The following IGSF11 variants were observed in gnomAD, a reference collection of about 807,000 sequenced individuals.
IGSF11 encodes CXADR like 1.
Under a neutral mutation model 41.0 loss-of-function variants are expected in IGSF11, and 22 were observed. The ratio of observed to expected loss-of-function variants is 0.54; its 90% confidence interval spans 0.38 to 0.77. The LOEUF (loss-of-function observed/expected upper bound fraction) is 0.77, where lower values mean the gene tolerates loss of function less well. Ranked by LOEUF, IGSF11 falls within the 30% of genes least tolerant of loss-of-function variation. IGSF11 has a pLI of 0.00. For synonymous variants in IGSF11, 219 were observed against 201.3 expected (o/e 1.09, Z -0.74); for missense variants, 444 against 530.8 (o/e 0.84, Z 1.61).
At chr3:118,985,970 C>T (rs1027632131) in intron 1 of IGSF11, among the ~76,000 whole-genome samples, 4 of 152,144 alleles carry the variant, frequency 2.6e-5, no homozygotes, top group Admixed American at 6.5e-5. Context: ...TTTCTCAGCA[C>T]GACAAAAAGG....
At chr3:118,946,446 T>TAAAA (rs151177743) in intron 1 of IGSF11, among the ~76,000 whole-genome samples, 8 of 143,344 alleles carry the variant, frequency 5.6e-5, no homozygotes, top group African/African-American at 2.0e-4. Flanking sequence ...CTATTTTACT[T>TAAAA]AAAAAAAAAA....
At chr3:119,010,051 T>C (rs1019628393) in intron 1 of IGSF11, among the ~76,000 whole-genome samples, 1 of 152,116 alleles carries the variant, frequency 6.6e-6, no homozygotes, top group Non-Finnish European at 1.5e-5. Flanking sequence ...GGAAAAGAGA[T>C]GGAAAGACAG....
intron 1 of IGSF11, among the ~76,000 whole-genome samples, chr3:119,047,195 C>G (rs1102585): frequency 0.95 from 142,591 of 150,288 alleles, 67,756 homozygotes; most frequent in East Asian, 1. Context: ...AAAAGACACA[C>G]ACTGGCAAAT....
chr3:118,988,989 C>T (rs546266046), intron 1 of IGSF11, among the ~76,000 whole-genome samples: 2 of 152,258 alleles, frequency 1.3e-5, no homozygotes, highest in East Asian at 3.9e-4. Flanking sequence ...AAAGAAAACC[C>T]TACCCAAAGA....
intron 1 of IGSF11, among the ~76,000 whole-genome samples, chr3:119,059,030 C>T (rs537929989): frequency 0.051 from 7,565 of 149,714 alleles, 675 homozygotes; most frequent in African/African-American, 0.18. Context: ...TGCTAGATGA[C>T]GAGTTAGTGG....
intron 1 of IGSF11, among the ~76,000 whole-genome samples, chr3:119,114,097 A>G (rs1559876220): frequency 6.6e-6 from 1 of 152,234 alleles, no homozygotes; most frequent in South Asian, 2.1e-4. Flanking sequence ...CCCATGGCCC[A>G]TGAAACCTAA....
chr3:119,020,758 T>A (rs1939207441), intron 1 of IGSF11, among the ~76,000 whole-genome samples: 1 of 152,240 alleles, frequency 6.6e-6, no homozygotes, highest in South Asian at 2.1e-4. Flanking sequence ...TTATTAACTA[T>A]CTGGCTATAT....
chr3:119,106,263 C>T (rs1442937387), upstream of IGSF11, among the ~76,000 whole-genome samples: 1 of 152,172 alleles, frequency 6.6e-6, no homozygotes, highest in Non-Finnish European at 1.5e-5. Flanking sequence ...TTGTTATTGA[C>T]TATAGTCACC....
chr3:119,019,688 A>C (rs774026727), intron 1 of IGSF11, among the ~76,000 whole-genome samples: 4 of 152,086 alleles, frequency 2.6e-5, no homozygotes, highest in Non-Finnish European at 4.4e-5. Flanking sequence ...ATATCTTGAC[A>C]GACTAGGCCA....
chr3:118,982,564 GT>G (rs1934843211), intron 1 of IGSF11, among the ~76,000 whole-genome samples: 1 of 152,052 alleles, frequency 6.6e-6, no homozygotes, highest in Admixed American at 6.5e-5. Context: ...AGGACAAAGG[GT>G]TTTATCACCA....
At chr3:119,109,816 C>A (rs745992821), upstream of IGSF11, among the ~76,000 whole-genome samples, 1 of 152,172 alleles carries the variant, frequency 6.6e-6, no homozygotes, top group Non-Finnish European at 1.5e-5. Context: ...TTTCAAAGAA[C>A]ATCTTTATTT....
chr3:119,083,126 C>CTTTTTTTTTTTTT (rs79620142), intron 1 of IGSF11, among the ~76,000 whole-genome samples: 7 of 129,118 alleles, frequency 5.4e-5, no homozygotes, highest in Non-Finnish European at 9.5e-5. Flanking sequence ...TTTCTTTTTT[C>CTTTTTTTTTTTTT]TTTTTTTTTT....
At chr3:119,032,120 G>T (rs1162287082) in intron 1 of IGSF11, among the ~76,000 whole-genome samples, 2 of 152,028 alleles carry the variant, frequency 1.3e-5, no homozygotes, top group Non-Finnish European at 2.9e-5. Flanking sequence ...TATTAACATC[G>T]ATTTTCTTTC....
At chr3:118,948,951 G>A (rs1944370095) in intron 1 of IGSF11, among the ~76,000 whole-genome samples, 2 of 137,820 alleles carry the variant, frequency 1.5e-5, no homozygotes, top group East Asian at 2.1e-4. Flanking sequence ...CAGCCTGGGC[G>A]ACAGAGCGAG....
Position 119,011,421 on chromosome 3 carries a change from T to C in IGSF11, c.52+23110A>G, listed in dbSNP as rs146539759. Among the ~76,000 whole-genome samples, 1,142 of 152,240 alleles carry C rather than the reference T, an allele frequency of 7.5e-3. 25 individuals are homozygous for C. The highest frequency in any genetic ancestry group is 0.026 in the African/African-American group (1,073 of 41,510). ...AAGTTTTAGACCCCTGAAGCACATG[T>C]GCATGGGACAGACCAAAATTAGTAT... On this transcript the variant is annotated intron_variant, in intron 1 of 6. Transcript: ENST00000393775.
At chr3:118,991,611 G>A (rs887121759) in intron 1 of IGSF11, among the ~76,000 whole-genome samples, 1 of 152,102 alleles carries the variant, frequency 6.6e-6, no homozygotes, top group African/African-American at 2.4e-5. Context: ...ATCATCAACT[G>A]CCACTTAATT....
rs923761820 is a variant in IGSF11 at position 119,026,606 on chromosome 3, T to TA, written c.52+7924dup. Among the ~76,000 whole-genome samples the TA allele has an allele frequency of 2.5e-3, 371 of 150,502 alleles. 1 individual carries two copies. Among genetic ancestry groups the TA allele is most frequent in the African/African-American group, 8.0e-3 (328 of 41,066 alleles). ...GTCTTCGCCATTATGTAGTCACAGT[T>TA]AAAAAAAAAATCCAGTTTCATTAAA... On this transcript the variant is annotated intron_variant, in intron 1 of 6. Transcript: ENST00000393775.
At chr3:119,098,325 TG>T (rs1201629936) in intron 1 of IGSF11, among the ~76,000 whole-genome samples, 4 of 152,182 alleles carry the variant, frequency 2.6e-5, no homozygotes, top group Non-Finnish European at 5.9e-5. Context: ...AGTGATATAG[TG>T]GAAGCAAAAC....
rs181325251 is a variant in IGSF11, at chr3:118,992,628, C to T, written c.52+41903G>A. Among the ~76,000 whole-genome samples the T allele has an allele frequency of 1.7e-3, 253 of 152,224 alleles. 2 individuals carry two copies. Among genetic ancestry groups the T allele is most frequent in the African/African-American group, 4.9e-3 (204 of 41,538 alleles). On this transcript the variant is annotated intron_variant, in intron 1 of 6. Coordinates refer to ENST00000393775, the MANE Select transcript of IGSF11 (RefSeq NM_001015887.3). ...ATCTGGTTTTATGAATCTGATCCTG[C>T]GACTATAGAAGTTTGCAGGCCCTTA...
Sources: allele counts gnomAD v4.1 joint callset (sites outside exome capture counted in the v4.1 genomes callset), GRCh38; gene constraint gnomAD v4.1.1; transcripts MANE v1.5; gene names NCBI Gene and HGNC (gene_info 2026-07-23, HGNC 2026-07-21).